DLC1: variants seen among roughly 807,000 people sequenced by gnomAD.
DLC1 encodes DLC1 Rho GTPase activating protein.
Under a neutral mutation model 140.3 loss-of-function variants are expected in DLC1, and 54 were observed. The observed-to-expected ratio is 0.38, with a 90% CI of 0.31 to 0.48. The LOEUF (loss-of-function observed/expected upper bound fraction) is 0.48. Among genes scored for constraint, DLC1 ranks in the 20% least tolerant of loss-of-function variants. The probability of loss-of-function intolerance (pLI) is 0.96; values close to 1 mark genes in which losing one functional copy is unlikely to be tolerated. For synonymous variants in DLC1, 986 were observed against 728.1 expected, an observed-to-expected ratio of 1.35 and a Z score of -5.70; for missense variants, 2,536 against 1,907.0, an observed-to-expected ratio of 1.33 and a Z score of -6.14.
chr8:13,163,818 A>G (rs562090593), intron 5 of DLC1, among the ~76,000 whole-genome samples: 102 of 151,674 alleles, frequency 6.7e-4, no homozygotes, highest in African/African-American at 2.3e-3. Flanking sequence ...CACAAAAGGG[A>G]AAAAAAATGC....
chr8:13,577,332 C>T (rs1306058640), intron 1 of DLC1, among the ~76,000 whole-genome samples: 1 of 152,104 alleles, frequency 6.6e-6, no homozygotes, highest in Non-Finnish European at 1.5e-5. Context: ...CTAATTACAG[C>T]TTATTATGCG....
At chr8:13,427,307 A>G (rs1026156217) in intron 2 of DLC1, among the ~76,000 whole-genome samples, 1 of 152,084 alleles carries the variant, frequency 6.6e-6, no homozygotes, top group African/African-American at 2.4e-5. Flanking sequence ...CTGTCCCGAC[A>G]CTGGCTCATT....
intron 2 of DLC1, among the ~76,000 whole-genome samples, chr8:13,424,198 T>C (rs1282946748): frequency 6.6e-6 from 1 of 151,936 alleles, no homozygotes; most frequent in Non-Finnish European, 1.5e-5. Context: ...ATAGAAATAA[T>C]GATAAAAATA....
At chr8:13,540,765 A>G (rs759035627) in intron 1 of DLC1, among the ~76,000 whole-genome samples, 34 of 152,344 alleles carry the variant, frequency 2.2e-4, no homozygotes, top group Middle Eastern at 3.4e-3. Context: ...CGACATGGCA[A>G]TCACTCATCT....
chr8:13,121,537 G>A (rs369942640), intron 5 of DLC1, among the ~76,000 whole-genome samples: 4 of 152,012 alleles, frequency 2.6e-5, no homozygotes, highest in East Asian at 1.9e-4. Context: ...CAGGCATTGC[G>A]CTGGGGAGTT....
chr8:13,459,626 T>A (rs1197807692), intron 2 of DLC1, among the ~76,000 whole-genome samples: 1 of 152,156 alleles, frequency 6.6e-6, no homozygotes, highest in Non-Finnish European at 1.5e-5. Flanking sequence ...GGACCCCCAG[T>A]TCTGCCACTC....
intron 6 of DLC1, among the ~76,000 whole-genome samples, chr8:13,112,513 A>C (rs1302358850): frequency 6.6e-6 from 1 of 152,206 alleles, no homozygotes; most frequent in Non-Finnish European, 1.5e-5. Context: ...TTATGAATAC[A>C]TAAAATTTAG....
rs150936376 is a variant in DLC1, at chr8:13,259,535, A to AT, written c.1348+45733dup. Among the ~76,000 whole-genome samples, 481 of 151,478 alleles carry AT rather than the reference A, an allele frequency of 3.2e-3. 1 individual carries two copies. The highest frequency in any genetic ancestry group is 5.6e-3 in the Non-Finnish European group (377 of 67,774). Reference sequence around the variant, plus strand: ...GAGGAAGAAGAGCTTTATTATTAACATTTTTTTTTACAATAAAGATACTAC... The same window carrying AT: ...GAGGAAGAAGAGCTTTATTATTAACATTTTTTTTTTACAATAAAGATACTAC... On this transcript the variant is annotated intron_variant, in intron 5 of 17. Coordinates refer to ENST00000276297, the MANE Select transcript of DLC1 (RefSeq NM_182643.3).
At chr8:13,603,097 T>C (rs985321314) in intron 1 of DLC1, among the ~76,000 whole-genome samples, 4 of 151,884 alleles carry the variant, frequency 2.6e-5, no homozygotes, top group African/African-American at 9.7e-5. Flanking sequence ...AACATGCTGT[T>C]TTGTTTAATA....
intron 1 of DLC1, among the ~76,000 whole-genome samples, chr8:13,538,449 G>T (rs564050417): frequency 6.6e-6 from 1 of 152,020 alleles, no homozygotes; most frequent in African/African-American, 2.4e-5. Context: ...ACAGCTGTGC[G>T]CTCCTCCTAG....
At chr8:13,412,368 A>C (rs1347663533) in intron 2 of DLC1, among the ~76,000 whole-genome samples, 1 of 152,212 alleles carries the variant, frequency 6.6e-6, no homozygotes, top group Non-Finnish European at 1.5e-5. Context: ...AAAGTAGAAC[A>C]CATTCTTCAA....
chr8:13,552,527 C>G (rs1461700365), intron 1 of DLC1, among the ~76,000 whole-genome samples: 1 of 151,004 alleles, frequency 6.6e-6, no homozygotes, highest in Non-Finnish European at 1.5e-5. Flanking sequence ...TCAGCTGTAA[C>G]CTTAAAAACA....
chr8:13,314,714 G>T (rs1435130530), intron 4 of DLC1, among the ~76,000 whole-genome samples: 3 of 152,150 alleles, frequency 2.0e-5, no homozygotes, highest in Admixed American at 2.0e-4. Context: ...TAAACCATTA[G>T]ATCAGAACCA....
At chr8:13,339,468 T>A (rs1463401344) in intron 4 of DLC1, 1 of 152,240 alleles carries the variant, frequency 6.6e-6, no homozygotes, top group East Asian at 1.9e-4. Flanking sequence ...CTAGGAATCA[T>A]CACACCAGGC....
chr8:13,090,498 A>C, intron 14 of DLC1, 28 bp from the exon 15 acceptor site: 4 of 1,610,960 alleles, frequency 2.5e-6, no homozygotes, highest in Non-Finnish European at 3.4e-6. Context: ...GACAGAAAGG[A>C]GGTGAGTCCA....
rs148781138 is a variant in DLC1, at chr8:13,110,757, A to G, written c.1487T>C (p.Ile496Thr). Residue 496 changes from isoleucine (I) to threonine (T), a missense_variant, in exon 7 of 18, where the codon ATT becomes ACT. By Grantham distance (89) the Ile-to-Thr change is moderately conservative. Coordinates refer to ENST00000276297, the MANE Select transcript of DLC1 (RefSeq NM_182643.3). ...REHDFLDRDA[I>T]EALCRRLNTL... ...GTCCATTTACCTGCATAGAGCCTCA[A>G]TGGCATCTCTGTCCAAAAAATCATG... 14 of 1,613,916 alleles carry G rather than the reference A, an allele frequency of 8.7e-6. No homozygotes were observed. The highest frequency in any genetic ancestry group is 2.2e-5 in the South Asian group (2 of 91,082).
At chr8:13,482,908 A>T (rs1480466262) in intron 2 of DLC1, among the ~76,000 whole-genome samples, 3 of 152,232 alleles carry the variant, frequency 2.0e-5, no homozygotes, top group Non-Finnish European at 4.4e-5. Context: ...AGGAATTTAC[A>T]GTTTGAATTG....
At chr8:13,492,361 AAATTG>A (rs1309073560) in intron 2 of DLC1, among the ~76,000 whole-genome samples, 1 of 152,114 alleles carries the variant, frequency 6.6e-6, no homozygotes, top group Non-Finnish European at 1.5e-5. Context: ...CATCCTGTTG[AAATTG>A]AATCTGATTC....
chr8:13,475,676 T>A (rs143583535), intron 2 of DLC1, among the ~76,000 whole-genome samples: 62 of 152,316 alleles, frequency 4.1e-4, no homozygotes, highest in African/African-American at 1.5e-3. Context: ...GGAGGTGAAC[T>A]GGGGAAAATA....
Sources: gnomAD v4.1 joint callset for allele counts (sites outside exome capture counted in the v4.1 genomes callset) on GRCh38, gnomAD v4.1.1 for gene constraint, MANE v1.5 for transcripts, NCBI Gene and HGNC (gene_info 2026-07-23, HGNC 2026-07-21) for gene names.